Variants in GOT2 observed in about 807,000 individuals in gnomAD.
GOT2 encodes the protein glutamic-oxaloacetic transaminase 2, also known as aspartate aminotransferase, mitochondrial.
A neutral mutation model predicts 50.0 loss-of-function variants in GOT2; 17 were observed. That is an observed-to-expected ratio of 0.34 (90% CI 0.23 to 0.51). GOT2 has a LOEUF of 0.51. GOT2 is among the 20% of genes least tolerant of loss of function. The pLI, the probability that GOT2 is intolerant of heterozygous loss-of-function variation, is 0.97. For missense variants in GOT2, 430 were observed against 559.6 expected, an observed-to-expected ratio of 0.77 and a Z score of 2.34; for synonymous variants, 172 against 204.9, an observed-to-expected ratio of 0.84 and a Z score of 1.37.
At chr16:58,720,051 A>G (rs1298012296) in intron 3 of GOT2, among the ~76,000 whole-genome samples, 3 of 152,056 alleles carry the variant, frequency 2.0e-5, no homozygotes, top group African/African-American at 7.2e-5. Context: ...AAAATACAAA[A>G]TTAGCCAGGT....
In GOT2 at chr16:58,716,103, G is replaced by T; in HGVS notation, c.930C>A (p.Ile310=). 1.2e-6 allele frequency: 2 copies of T among 1,613,856 alleles called. No homozygotes were observed. Among genetic ancestry groups the T allele is most frequent in the Middle Eastern group, 1.6e-4 (1 of 6,062 alleles). ...GGTTGGAATACATGGGACGGATCAA[G>T]ATCTTCAACTGTGACTCTACCCTTT... ...EAKRVESQLK[I]LIRPMYSNPP... Residue 310 remains isoleucine (I), a synonymous_variant, in exon 8 of 10, where the codon ATC becomes ATA. Transcript: ENST00000245206.
In GOT2 at chr16:58,716,024, G is replaced by A; in HGVS notation, c.1009C>T (p.Arg337Ter). Residue 337 changes from arginine to a stop codon, truncating the protein, a stop_gained, in exon 8 of 10, where the codon CGA (arginine) becomes TGA (stop). Coordinates refer to ENST00000245206, the MANE Select transcript of GOT2 (RefSeq NM_002080.4). LOFTEE classifies it high-confidence loss of function. ...GGCATAAACCTTTACCATTGTTTTC[G>A]CAAATCTGGGGTGTTCAGAATGGCA... is the stretch of plus-strand genomic sequence containing the variant. ...AAAILNTPDLRKQWLQEVKVM... is the reference protein window; with the variant it reads ...AAAILNTPDL The A allele has an allele frequency of 6.2e-7, 1 of 1,608,950 alleles. No homozygotes were observed. The highest frequency in any genetic ancestry group is 8.5e-7 in the Non-Finnish European group (1 of 1,178,538).
chr16:58,732,952 A>G (rs1206486942), intron 1 of GOT2, among the ~76,000 whole-genome samples: 1 of 152,104 alleles, frequency 6.6e-6, no homozygotes, highest in Admixed American at 6.5e-5. Flanking sequence ...TCAGGAAGAG[A>G]AAAAAGTGCG....
At chr16:58,708,403 T>C in intron 9 of GOT2, 110 bp from the exon 10 acceptor site, 3 of 1,069,308 alleles carry the variant, frequency 2.8e-6, no homozygotes, top group South Asian at 1.6e-5. Context: ...GCTTAAAACC[T>C]GTTCCCAGAA....
Position 58,718,700 on chromosome 16 carries a change from G to T in GOT2, c.436-12C>A. 1 of 1,545,062 alleles carries T rather than the reference G, an allele frequency of 6.5e-7. No homozygotes were observed. Among genetic ancestry groups the T allele is most frequent in the Non-Finnish European group, 8.7e-7 (1 of 1,145,542 alleles). On this transcript the variant is annotated splice_polypyrimidine_tract_variant and intron_variant, in intron 4 of 9. Coordinates refer to ENST00000245206, the MANE Select transcript of GOT2 (RefSeq NM_002080.4). The stretch of plus-strand genomic sequence containing the variant: ...TTAAAAAATCTTTGCTAAAAGATGG[G>T]ACGAAAGGAAACAGAAAAATGAACA...
chr16:58,716,652 CT>C lies in GOT2; in HGVS notation c.853+10del, dbSNP rs1268989108. 2 of 1,612,090 alleles carry C rather than the reference CT, an allele frequency of 1.2e-6. No homozygotes were observed. Among genetic ancestry groups the C allele is most frequent in the African/African-American group, 2.7e-5 (2 of 74,864 alleles). On this transcript the variant is annotated intron_variant, in intron 7 of 9. Coordinates refer to ENST00000245206, the MANE Select transcript of GOT2 (RefSeq NM_002080.4). Reference sequence around the variant, plus strand: ...ATGAGAGCATGTGTCATGCTGGATGCTGTAGCTTACCATATAAGCCCATGTT... The same window carrying C: ...ATGAGAGCATGTGTCATGCTGGATGCGTAGCTTACCATATAAGCCCATGTT...
chr16:58,729,432 T>C (rs913142151), intron 1 of GOT2, among the ~76,000 whole-genome samples: 21 of 145,870 alleles, frequency 1.4e-4, no homozygotes, highest in African/African-American at 5.4e-4. Context: ...GAGGCTGAGG[T>C]GGGAGGGTCA....
intron 8 of GOT2, among the ~76,000 whole-genome samples, chr16:58,712,733 G>A (rs2044659554): frequency 6.6e-6 from 1 of 152,082 alleles, no homozygotes; most frequent in South Asian, 2.1e-4. Flanking sequence ...AAAATATTAA[G>A]TAAAAAAGCT....
chr16:58,716,972 C>T (rs1204204564), intron 6 of GOT2, among the ~76,000 whole-genome samples, 159 bp from the exon 7 acceptor site: 1 of 152,182 alleles, frequency 6.6e-6, no homozygotes, highest in Non-Finnish European at 1.5e-5. Flanking sequence ...TCAACTTATA[C>T]CCAGGACTCA....
At position 58,707,589 on chromosome 16, in the gene GOT2, A is replaced by G. The variant is rs2044614035; in HGVS notation, c.*582T>C. ...TAAAAAATCTTTGCGTGTAAGGAAA[A>G]GAACGGCAATGACAAGGGAGAAAAG... On this transcript the variant is annotated 3_prime_UTR_variant, in exon 10 of 10. Transcript: ENST00000245206. 1 of 152,234 alleles carries G rather than the reference A, an allele frequency of 6.6e-6. No individual in the cohort carries two copies. The highest frequency in any genetic ancestry group is 2.1e-4 in the South Asian group (1 of 4,824). 9.4% of individuals were successfully genotyped at this position (152,234 alleles called of 1,614,324 possible). A position where few individuals can be genotyped will look rare whatever the true frequency, so the allele number is the denominator to read the frequency against.
intron 3 of GOT2, 29 bp from the exon 4 acceptor site, chr16:58,719,284 T>A (rs377228567): frequency 1.3e-6 from 2 of 1,537,220 alleles, no homozygotes; most frequent in Admixed American, 3.3e-5. Context: ...CGGTCAGTGA[T>A]GTGCAACACT....
rs2044612644 is a variant in GOT2, at chr16:58,707,436, A to G, written c.*735T>C. 1 of 152,182 alleles carries G rather than the reference A, an allele frequency of 6.6e-6. No homozygotes were observed. Among genetic ancestry groups the G allele is most frequent in the East Asian group, 1.9e-4 (1 of 5,194 alleles). 9.4% of individuals were successfully genotyped at this position (152,182 alleles called of 1,614,324 possible). The stretch of plus-strand genomic sequence containing the variant: ...AAAGTACAGTTTCCTACTCTCCACT[A>G]TTCTTTGCTGAAAAGGGTGAGGGTA... On this transcript the variant is annotated 3_prime_UTR_variant, in exon 10 of 10. Transcript: ENST00000245206.
At chr16:58,716,218 A>G (rs1037331885) in intron 7 of GOT2, 39 bp from the exon 8 acceptor site, 27 of 1,586,360 alleles carry the variant, frequency 1.7e-5, no homozygotes, top group East Asian at 8.9e-5. Context: ...TACTTCTACT[A>G]TCTAATGTGC....
chr16:58,727,246 A>G (rs1462886988), intron 1 of GOT2, among the ~76,000 whole-genome samples: 1 of 152,200 alleles, frequency 6.6e-6, no homozygotes, highest in African/African-American at 2.4e-5. Flanking sequence ...CTCCCACCTC[A>G]GCCTTTCAAG....
At chr16:58,715,960 G>A (rs1597699561) in intron 8 of GOT2, 54 bp downstream of exon 8, 1 of 1,405,858 alleles carries the variant, frequency 7.1e-7, no homozygotes, top group East Asian at 2.3e-5. Context: ...AACTAACTTT[G>A]AAGGAGCAGT....
chr16:58,722,921 A>C (rs2044753241), intron 2 of GOT2, among the ~76,000 whole-genome samples: 1 of 152,254 alleles, frequency 6.6e-6, no homozygotes, highest in Non-Finnish European at 1.5e-5. Flanking sequence ...AACTAAATAC[A>C]AAAGAGAAAG....
chr16:58,719,817 T>C (rs765437899), intron 3 of GOT2, among the ~76,000 whole-genome samples: 26 of 152,222 alleles, frequency 1.7e-4, no homozygotes, highest in Non-Finnish European at 3.5e-4. Context: ...AAACATTACT[T>C]TAGAATTATA....
In GOT2 at chr16:58,718,219, T is replaced by C; in HGVS notation, c.679A>G (p.Lys227Glu). ...TGVDPRPEQW[K>E]EIATVVKKRN... ...ACCTTCACCACTGTTGCTATTTCCT[T>C]CCACTGTTCCGGACGCGGGTCCACT... The change falls in exon 6 of 10, where the codon AAG (lysine) becomes GAG (glutamate). Residue 227 changes from lysine to glutamate, a missense_variant. Transcript: ENST00000245206. The C allele has an allele frequency of 6.8e-6, 11 of 1,613,406 alleles. No individual in the cohort carries two copies. Among genetic ancestry groups the C allele is most frequent in the Non-Finnish European group, 9.3e-6 (11 of 1,179,318 alleles).
At chr16:58,710,137 A>C (rs2044634520) in intron 8 of GOT2, among the ~76,000 whole-genome samples, 1 of 152,240 alleles carries the variant, frequency 6.6e-6, no homozygotes, top group Non-Finnish European at 1.5e-5. Context: ...GGTTCAAGCA[A>C]TCCTCCTGCC....
Sources: gnomAD v4.1 joint callset for allele counts (sites outside exome capture counted in the v4.1 genomes callset) on GRCh38, gnomAD v4.1.1 for gene constraint, MANE v1.5 for transcripts, NCBI Gene and HGNC (gene_info 2026-07-23, HGNC 2026-07-21) for gene names.